Variants in GRID2 observed in about 807,000 individuals in gnomAD.
GRID2 encodes the protein glutamate ionotropic receptor delta type subunit 2, also known as glutamate receptor ionotropic, delta-2.
GRID2 carries 33 observed loss-of-function variants against 114.8 expected under a neutral mutation model. The observed-to-expected ratio is 0.29, with a 90% CI of 0.22 to 0.38. GRID2 has a LOEUF of 0.38. Ranked by LOEUF, GRID2 falls within the 10% of genes least tolerant of loss-of-function variation. The pLI is 1.00. For missense variants in GRID2, 1,184 were observed against 1,257.7 expected (o/e 0.94, Z 0.89); for synonymous variants, 505 against 449.9 (o/e 1.12, Z -1.55).
intron 1 of GRID2, among the ~76,000 whole-genome samples, chr4:92,415,732 GTATGTGTGTATATA>G (rs1731568446): frequency 1.4e-5 from 1 of 73,924 alleles, no homozygotes; most frequent in East Asian, 3.5e-4. Flanking sequence ...GTGTGTGTGT[GTATGTGTGTATATA>G]TATATATATA....
chr4:93,209,854 G>A (rs1197268324), intron 5 of GRID2, among the ~76,000 whole-genome samples: 4 of 152,018 alleles, frequency 2.6e-5, no homozygotes, highest in African/African-American at 7.2e-5. Flanking sequence ...AATGATCAGC[G>A]ATGTTGAGCT....
intron 13 of GRID2, among the ~76,000 whole-genome samples, chr4:93,602,078 C>G (rs59005928): frequency 2.6e-5 from 4 of 152,126 alleles, no homozygotes; most frequent in Admixed American, 6.5e-5. Flanking sequence ...CCATGCTCAG[C>G]GAGTGATATT....
At chr4:92,817,759 C>T (rs914921444) in intron 2 of GRID2, among the ~76,000 whole-genome samples, 1 of 151,800 alleles carries the variant, frequency 6.6e-6, no homozygotes, top group Non-Finnish European at 1.5e-5. Context: ...TCTCAAACTC[C>T]TTGGCCCAAG....
intron 8 of GRID2, among the ~76,000 whole-genome samples, chr4:93,339,849 G>A (rs1413581406): frequency 2.0e-5 from 3 of 149,764 alleles, no homozygotes; most frequent in African/African-American, 7.6e-5. Flanking sequence ...TTCACAAGGT[G>A]GCAGGAAGAA....
chr4:93,169,856 C>G (rs185005408), intron 4 of GRID2, among the ~76,000 whole-genome samples: 1 of 152,274 alleles, frequency 6.6e-6, no homozygotes, highest in Admixed American at 6.5e-5. Flanking sequence ...ATCCAAACTT[C>G]TACTGAGATA....
chr4:93,069,039 T>G (rs1423155702), intron 2 of GRID2, among the ~76,000 whole-genome samples: 2 of 151,828 alleles, frequency 1.3e-5, no homozygotes, highest in African/African-American at 4.8e-5. Context: ...CTACACACTT[T>G]ATGTGACCAG....
chr4:92,530,735 T>TAAA (rs143078058), intron 1 of GRID2, among the ~76,000 whole-genome samples: 4 of 126,624 alleles, frequency 3.2e-5, no homozygotes, highest in Non-Finnish European at 6.7e-5. Context: ...CCCCCTCTAC[T>TAAA]AAAAAAAAAA....
chr4:92,349,991 A>G (rs183927802), intron 1 of GRID2, among the ~76,000 whole-genome samples: 85 of 151,994 alleles, frequency 5.6e-4, no homozygotes, highest in African/African-American at 1.9e-3. Context: ...TTATGGTTCT[A>G]CTATATGCAT....
Position 93,515,241 on chromosome 4 carries a change from A to T in GRID2, c.2023A>T (p.Thr675Ser), listed in dbSNP as rs1322115204. The T allele has an allele frequency of 1.3e-6, 2 of 1,599,942 alleles. No individual in the cohort carries two copies. Among genetic ancestry groups the T allele is most frequent in the Non-Finnish European group, 1.7e-6 (2 of 1,171,168 alleles). Reference sequence around the variant, plus strand: ...GTCTCTCCAGGACCTTTCCAAGCAAACAGAAATCCCTTATGGCACAGTCCT... The same window carrying T: ...GTCTCTCCAGGACCTTTCCAAGCAATCAGAAATCCCTTATGGCACAGTCCT... ...IQSLQDLSKQ[T>S]EIPYGTVLDS... The change falls in exon 13 of 16, where the codon ACA becomes TCA. Residue 675 changes from threonine (T) to serine (S), a missense_variant. Coordinates refer to ENST00000282020, the MANE Select transcript of GRID2 (RefSeq NM_001510.4).
At chr4:93,312,207 T>C (rs1459105729) in intron 8 of GRID2, among the ~76,000 whole-genome samples, 1 of 152,136 alleles carries the variant, frequency 6.6e-6, no homozygotes, top group African/African-American at 2.4e-5. Flanking sequence ...AGTTAACTCA[T>C]AGAAGGCCAA....
chr4:92,539,090 CT>C (rs1213498911), intron 1 of GRID2, among the ~76,000 whole-genome samples: 1 of 115,666 alleles, frequency 8.6e-6, no homozygotes, highest in African/African-American at 3.4e-5. Context: ...TTGAGCAAAA[CT>C]TTAAGGAATG....
At chr4:93,607,352 G>C (rs533942718) in intron 13 of GRID2, among the ~76,000 whole-genome samples, 1 of 152,072 alleles carries the variant, frequency 6.6e-6, no homozygotes, top group Non-Finnish European at 1.5e-5. Flanking sequence ...CAAACACATC[G>C]TAGAAATCCT....
intron 2 of GRID2, among the ~76,000 whole-genome samples, chr4:92,809,438 A>G (rs1316635281): frequency 2.6e-5 from 4 of 152,088 alleles, no homozygotes; most frequent in Non-Finnish European, 5.9e-5. Flanking sequence ...TCATACAGTT[A>G]GTGATTGCAG....
intron 8 of GRID2, among the ~76,000 whole-genome samples, chr4:93,333,732 G>A (rs1252235382): frequency 6.6e-6 from 1 of 152,258 alleles, no homozygotes; most frequent in South Asian, 2.1e-4. Flanking sequence ...CTGGAAAATG[G>A]AAAACACTTG....
intron 2 of GRID2, among the ~76,000 whole-genome samples, chr4:92,810,957 A>G (rs1189652859): frequency 1.3e-5 from 2 of 151,942 alleles, no homozygotes; most frequent in Non-Finnish European, 2.9e-5. Flanking sequence ...CAATTTTTGT[A>G]CTTTTAGTAG....
chr4:92,555,284 A>G (rs889223886), intron 1 of GRID2, among the ~76,000 whole-genome samples: 1 of 152,204 alleles, frequency 6.6e-6, no homozygotes, highest in Admixed American at 6.5e-5. Flanking sequence ...GTTGCACTAA[A>G]TGTATGTAGG....
At chr4:93,508,022 T>G (rs1182123154) in intron 12 of GRID2, among the ~76,000 whole-genome samples, 2 of 151,424 alleles carry the variant, frequency 1.3e-5, no homozygotes, top group Non-Finnish European at 2.9e-5. Context: ...GTGGGGGAAT[T>G]GGGAGGGATA....
chr4:92,658,003 T>C (rs1732330443), intron 2 of GRID2, among the ~76,000 whole-genome samples: 1 of 151,808 alleles, frequency 6.6e-6, no homozygotes, highest in Non-Finnish European at 1.5e-5. Flanking sequence ...TTTGCTAATA[T>C]ATTGTGATTG....
intron 1 of GRID2, among the ~76,000 whole-genome samples, chr4:93,789,232 A>T (rs1734649506): frequency 6.6e-6 from 1 of 152,216 alleles, no homozygotes; most frequent in Non-Finnish European, 1.5e-5. Flanking sequence ...TTTAATTGCT[A>T]TATTAAACAT....
Sources: gnomAD v4.1 joint callset for allele counts (sites outside exome capture counted in the v4.1 genomes callset) on GRCh38, gnomAD v4.1.1 for gene constraint, MANE v1.5 for transcripts, NCBI Gene and HGNC (gene_info 2026-07-23, HGNC 2026-07-21) for gene names.